Variants in MYO7A observed in about 807,000 individuals in gnomAD.
MYO7A encodes myosin VIIA.
Under a neutral mutation model 263.8 loss-of-function variants are expected in MYO7A, and 210 were observed. The ratio of observed to expected loss-of-function variants is 0.80; its 90% CI spans 0.71 to 0.89. The LOEUF (loss-of-function observed/expected upper bound fraction) is 0.89. Among genes scored for constraint, MYO7A ranks in the 40% least tolerant of loss-of-function variants. The pLI is 0.00. For missense variants in MYO7A, 2,820 were observed against 2,968.3 expected (o/e 0.95, Z 1.16); for synonymous variants, 1,239 against 1,197.3 (o/e 1.03, Z -0.72).
At chr11:77,178,504 A>T (rs1244893271) in intron 19 of MYO7A, among the ~76,000 whole-genome samples, 1 of 151,850 alleles carries the variant, frequency 6.6e-6, no homozygotes, top group Non-Finnish European at 1.5e-5. Context: ...GCATACTTGC[A>T]CACCCATCCT....
At chr11:77,134,581 C>G (rs1468781748) in intron 2 of MYO7A, among the ~76,000 whole-genome samples, 1 of 152,114 alleles carries the variant, frequency 6.6e-6, no homozygotes, top group Non-Finnish European at 1.5e-5. Flanking sequence ...AGCCCTCCTG[C>G]CTCAGCCTCC....
In MYO7A at chr11:77,174,750, T is replaced by C. The variant is rs1555078801; in HGVS notation, c.1936-6T>C. On this transcript the variant is annotated splice_region_variant and splice_polypyrimidine_tract_variant and intron_variant, in intron 16 of 48. Coordinates refer to ENST00000409709, the MANE Select transcript of MYO7A (RefSeq NM_000260.4). ...GCCCTGATGCCCTTGGCTGTGTGCC[T>C]GGCAGCTGTTCGACCGGCACCTGTG... 1 of 1,576,512 alleles carries C rather than the reference T, an allele frequency of 6.3e-7. No individual in the cohort carries two copies. Among genetic ancestry groups the C allele is most frequent in the East Asian group, 2.3e-5 (1 of 42,842 alleles).
chr11:77,171,567 A>G (rs1393352607), intron 15 of MYO7A, among the ~76,000 whole-genome samples: 1 of 152,160 alleles, frequency 6.6e-6, no homozygotes, highest in Non-Finnish European at 1.5e-5. Context: ...TAGTACCTAA[A>G]TTGAGTATGA....
chr11:77,143,518 T>A (rs1276097341), intron 3 of MYO7A, among the ~76,000 whole-genome samples: 1 of 152,058 alleles, frequency 6.6e-6, no homozygotes, highest in Admixed American at 6.5e-5. Flanking sequence ...GAAGGAGAGG[T>A]CTGAAGTCAG....
At chr11:77,181,134 G>A (rs1476729314) in intron 22 of MYO7A, among the ~76,000 whole-genome samples, 1 of 152,228 alleles carries the variant, frequency 6.6e-6, no homozygotes, top group African/African-American at 2.4e-5. Context: ...GGTCCCCATG[G>A]AGCAGGCTCC....
intron 38 of MYO7A, among the ~76,000 whole-genome samples, chr11:77,203,599 A>G (rs1957228933): frequency 6.6e-6 from 1 of 152,146 alleles, no homozygotes; most frequent in Non-Finnish European, 1.5e-5. Context: ...AGTGGTATCT[A>G]GGCTGAGCCC....
In MYO7A at chr11:77,179,753, C is replaced by A. The variant is rs111033339; in HGVS notation, c.2386C>A (p.Arg796=). Residue 796 remains arginine, a synonymous_variant, in exon 21 of 49, where the codon CGG becomes AGG. Transcript: ENST00000409709. ...CTTGCAGATGCGTCTGGGCTTCCTG[C>A]GGCTGCAGGCCCTGCACCGCTCCCG... ...NYGLMRLGFL[R]LQALHRSRKL... is the part of the protein sequence containing the mutation. 5 of 1,543,718 alleles carry A rather than the reference C, an allele frequency of 3.2e-6. No individual in the cohort carries two copies. Among genetic ancestry groups the A allele is most frequent in the East Asian group, 4.9e-5 (2 of 41,030 alleles).
chr11:77,201,876 G>C (rs1332901199), intron 36 of MYO7A, among the ~76,000 whole-genome samples: 1 of 151,940 alleles, frequency 6.6e-6, no homozygotes, highest in African/African-American at 2.4e-5. Context: ...GGGGATTGGA[G>C]AGAGGTGTAT....
chr11:77,156,507 G>A (rs1298587151), intron 5 of MYO7A, among the ~76,000 whole-genome samples, 153 bp from the exon 6 acceptor site: 1 of 152,178 alleles, frequency 6.6e-6, no homozygotes, highest in African/African-American at 2.4e-5. Flanking sequence ...TGGAGCACTG[G>A]GCCCTTGAGC....
chr11:77,211,734 G>A (rs1957892070), intron 45 of MYO7A, 87 bp from the exon 46 acceptor site: 2 of 1,015,640 alleles, frequency 2.0e-6, no homozygotes, highest in African/African-American at 3.2e-5. Flanking sequence ...GGGGTGGTGT[G>A]GGGAGGACTC....
At chr11:77,190,906 C>T (rs1956017289) in intron 30 of MYO7A, 36 bp downstream of exon 30, 1 of 1,517,492 alleles carries the variant, frequency 6.6e-7, no homozygotes, top group Non-Finnish European at 8.9e-7. Context: ...CCCGGAAGCA[C>T]CTCCTCCCGG....
intron 4 of MYO7A, among the ~76,000 whole-genome samples, chr11:77,151,644 G>A (rs529664595): frequency 6.4e-4 from 98 of 152,332 alleles, no homozygotes; most frequent in African/African-American, 2.3e-3. Context: ...ACTCCACAGG[G>A]CAGATTTTAC....
intron 26 of MYO7A, among the ~76,000 whole-genome samples, chr11:77,184,309 G>A (rs1555086899): frequency 6.6e-6 from 1 of 152,174 alleles, no homozygotes; most frequent in East Asian, 1.9e-4. Context: ...CCTCCCTGGG[G>A]TGGGGTGTGG....
chr11:77,206,267 C>A, intron 41 of MYO7A, 65 bp downstream of exon 41: 2 of 1,280,196 alleles, frequency 1.6e-6, no homozygotes, highest in Non-Finnish European at 2.2e-6. Context: ...GGGTGGACAC[C>A]AAAGGTGGCC....
chr11:77,185,047 TATGA>T, intron 27 of MYO7A: 1 of 446,118 alleles, frequency 2.2e-6, no homozygotes, highest in Non-Finnish European at 4.2e-6. Flanking sequence ...TACTATAGTC[TATGA>T]AGTATGAAAT....
chr11:77,154,765 G>A (rs1312126093), intron 4 of MYO7A, among the ~76,000 whole-genome samples: 1 of 152,076 alleles, frequency 6.6e-6, no homozygotes, highest in Non-Finnish European at 1.5e-5. Context: ...TGGGCCCAGG[G>A]GCCCAGAGAA....
intron 4 of MYO7A, among the ~76,000 whole-genome samples, 184 bp from the exon 5 acceptor site, chr11:77,155,723 G>T (rs1952394815): frequency 6.6e-6 from 1 of 152,208 alleles, no homozygotes; most frequent in South Asian, 2.1e-4. Context: ...CAGACCCAGT[G>T]CTGGACAGAA....
chr11:77,181,767 GTTTTTTTTTTTGTTTTTTTTT>G (rs1193705615), intron 23 of MYO7A, among the ~76,000 whole-genome samples, 163 bp from the exon 24 acceptor site: 1 of 138,236 alleles, frequency 7.2e-6, no homozygotes, highest in East Asian at 2.3e-4. Context: ...CCCTTCTCAA[GTTTTTTTTTTTGTTTTTTTTT>G]TTTTTTTTTT....
In MYO7A at chr11:77,214,784, CTT is replaced by C; in HGVS notation, c.*89_*90del. 2 of 1,121,784 alleles carry C rather than the reference CTT, an allele frequency of 1.8e-6. No individual in the cohort carries two copies. Among genetic ancestry groups the C allele is most frequent in the East Asian group, 2.6e-5 (1 of 38,448 alleles). The allele number at this position is 1,121,784 out of a possible 1,614,324, so 69.5% of individuals were successfully genotyped here. ...CAGCTACCCCTGCAGCTGGGGAAGA[CTT>C]ATGCCATCCCGGCAGCGAGGCTGGG... On this transcript the variant is annotated 3_prime_UTR_variant, in exon 49 of 49. Transcript: ENST00000409709.
Sources: allele counts gnomAD v4.1 joint callset (sites outside exome capture counted in the v4.1 genomes callset), GRCh38; gene constraint gnomAD v4.1.1; transcripts MANE v1.5; gene names NCBI Gene and HGNC (gene_info 2026-07-23, HGNC 2026-07-21).